The following GABRB1 variants were observed in gnomAD, a reference collection of about 807,000 sequenced individuals.
GABRB1 encodes gamma-aminobutyric acid receptor subunit beta-1.
GABRB1 carries 17 observed loss-of-function variants against 51.6 expected under a neutral mutation model. The ratio of observed to expected loss-of-function variants is 0.33; its 90% CI spans 0.23 to 0.49. The LOEUF is 0.49. Ranked by LOEUF, GABRB1 falls within the 20% of genes least tolerant of loss-of-function variation. The pLI, the probability that GABRB1 is intolerant of heterozygous loss-of-function variation, is 0.99. For missense variants in GABRB1, 410 were observed against 600.6 expected, an observed-to-expected ratio of 0.68 and a Z score of 3.32; for synonymous variants, 247 against 218.9, an observed-to-expected ratio of 1.13 and a Z score of -1.14.
chr4:47,102,094 C>T (rs1714749124), intron 3 of GABRB1, among the ~76,000 whole-genome samples: 1 of 151,968 alleles, frequency 6.6e-6, no homozygotes, highest in Admixed American at 6.6e-5. Context: ...AAACACTTGG[C>T]AAGTCATCAT....
At chr4:47,230,716 G>A (rs1721111684) in intron 4 of GABRB1, among the ~76,000 whole-genome samples, 1 of 152,170 alleles carries the variant, frequency 6.6e-6, no homozygotes, top group Non-Finnish European at 1.5e-5. Flanking sequence ...GGGAGTACTA[G>A]TGTCTAAAAA....
intron 8 of GABRB1, among the ~76,000 whole-genome samples, chr4:47,425,196 C>T (rs964732613): frequency 5.3e-5 from 8 of 151,984 alleles, no homozygotes; most frequent in African/African-American, 1.9e-4. Context: ...CTGAGAAAAG[C>T]AGGTTGCAAG....
chr4:47,227,224 T>C (rs1398191446), intron 4 of GABRB1, among the ~76,000 whole-genome samples: 1 of 152,192 alleles, frequency 6.6e-6, no homozygotes, highest in Admixed American at 6.6e-5. Flanking sequence ...TATTCATTCA[T>C]TTTTTCGTGC....
At chr4:47,208,236 A>G (rs1481316380) in intron 4 of GABRB1, among the ~76,000 whole-genome samples, 1 of 152,062 alleles carries the variant, frequency 6.6e-6, no homozygotes, top group Non-Finnish European at 1.5e-5. Context: ...AACCAGATAC[A>G]AAAGGATAAG....
intron 3 of GABRB1, among the ~76,000 whole-genome samples, chr4:47,126,033 CAT>C (rs994641495): frequency 6.6e-6 from 1 of 151,266 alleles, no homozygotes; most frequent in African/African-American, 2.4e-5. Flanking sequence ...TATATACACA[CAT>C]ATATATGTAT....
chr4:47,104,506 TTCTCTCTC>T (rs3050703), intron 3 of GABRB1, among the ~76,000 whole-genome samples: 6 of 148,856 alleles, frequency 4.0e-5, no homozygotes, highest in African/African-American at 4.9e-5. Context: ...TCCTGCTGTC[TTCTCTCTC>T]TCTCTCTCTC....
chr4:47,211,766 G>A (rs1280179341), intron 4 of GABRB1, among the ~76,000 whole-genome samples: 2 of 152,150 alleles, frequency 1.3e-5, no homozygotes, highest in African/African-American at 2.4e-5. Flanking sequence ...GCTCTAGTGG[G>A]AGAAGCTGTG....
At chr4:47,377,399 G>A (rs993750172) in intron 5 of GABRB1, among the ~76,000 whole-genome samples, 5 of 149,706 alleles carry the variant, frequency 3.3e-5, no homozygotes, top group South Asian at 2.1e-4. Context: ...CCTTATGTTC[G>A]GAAGTGTTCG....
At chr4:47,257,390 T>A (rs1316362542) in intron 4 of GABRB1, among the ~76,000 whole-genome samples, 1 of 152,174 alleles carries the variant, frequency 6.6e-6, no homozygotes, top group African/African-American at 2.4e-5. Flanking sequence ...TCTCATCAGA[T>A]TATTCTACTT....
At chr4:47,243,866 G>A (rs1343215541) in intron 4 of GABRB1, among the ~76,000 whole-genome samples, 2 of 152,132 alleles carry the variant, frequency 1.3e-5, no homozygotes, top group South Asian at 2.1e-4. Context: ...CTAATTGAAT[G>A]CCCTTTATTT....
chr4:47,220,693 A>G (rs2109823020), intron 4 of GABRB1, among the ~76,000 whole-genome samples: 1 of 152,064 alleles, frequency 6.6e-6, no homozygotes, highest in African/African-American at 2.4e-5. Context: ...TGATTTCTGC[A>G]CACTTCTATC....
intron 4 of GABRB1, among the ~76,000 whole-genome samples, chr4:47,211,128 C>G (rs1228922565): frequency 6.6e-6 from 1 of 152,148 alleles, no homozygotes; most frequent in Non-Finnish European, 1.5e-5. Context: ...CCAGAACCCA[C>G]TTGCCTTTTT....
At chr4:47,423,554 C>A (rs1163432669) in intron 8 of GABRB1, among the ~76,000 whole-genome samples, 2 of 152,218 alleles carry the variant, frequency 1.3e-5, no homozygotes, top group African/African-American at 4.8e-5. Flanking sequence ...CCTAACACTT[C>A]ATCTCTCACA....
intron 3 of GABRB1, among the ~76,000 whole-genome samples, chr4:47,155,918 T>TATATATATATATATAC (rs1717676436): frequency 1.2e-5 from 1 of 81,988 alleles, no homozygotes; most frequent in African/African-American, 7.1e-5. Context: ...GGTATTTTCA[T>TATATATATATATATAC]ATATATATAT....
chr4:47,389,014 C>G (rs992275412), intron 5 of GABRB1, among the ~76,000 whole-genome samples: 11 of 152,148 alleles, frequency 7.2e-5, no homozygotes, highest in African/African-American at 2.2e-4. Context: ...CTCACCCATC[C>G]AAACCCAAAG....
At chr4:47,174,395 A>G (rs1450858799) in intron 4 of GABRB1, among the ~76,000 whole-genome samples, 1 of 152,120 alleles carries the variant, frequency 6.6e-6, no homozygotes, top group East Asian at 1.9e-4. Context: ...TCAACAATAA[A>G]TATTTTTCAT....
chr4:47,001,764 G>A (rs141818660), intron 1 of GABRB1, among the ~76,000 whole-genome samples: 3 of 151,996 alleles, frequency 2.0e-5, no homozygotes, highest in South Asian at 2.1e-4. Flanking sequence ...ATACTCTATC[G>A]GTTCAATTTC....
intron 1 of GABRB1, among the ~76,000 whole-genome samples, chr4:46,995,767 A>G (rs1560489531): frequency 6.6e-6 from 1 of 152,216 alleles, no homozygotes. Flanking sequence ...AAATTAAGAA[A>G]CCAAAATAAT....
intron 4 of GABRB1, among the ~76,000 whole-genome samples, chr4:47,316,831 A>G (rs1724911704): frequency 6.6e-6 from 1 of 151,912 alleles, no homozygotes; most frequent in Non-Finnish European, 1.5e-5. Context: ...TTCACTATTT[A>G]TAAGGATTTT....
Sources: gnomAD v4.1 joint callset for allele counts (sites outside exome capture counted in the v4.1 genomes callset) on GRCh38, gnomAD v4.1.1 for gene constraint, MANE v1.5 for transcripts, NCBI Gene and HGNC (gene_info 2026-07-23, HGNC 2026-07-21) for gene names.